Variants in XKR9 observed in about 807,000 individuals in gnomAD.
The protein encoded by XKR9 is XK-related protein 9.
Under a neutral mutation model 32.0 loss-of-function variants are expected in XKR9, and 32 were observed. The observed-to-expected ratio is 1.00, with a 90% confidence interval of 0.76 to 1.34. The LOEUF (loss-of-function observed/expected upper bound fraction) is 1.34. Ranked by LOEUF, XKR9 falls within the 40% of genes most tolerant of loss-of-function variation. The probability of loss-of-function intolerance (pLI) is 0.00; values close to 1 mark genes in which losing one functional copy is unlikely to be tolerated. For synonymous variants in XKR9, 168 were observed against 143.4 expected (o/e 1.17, Z -1.22); for missense variants, 546 against 429.7 (o/e 1.27, Z -2.39).
chr8:70,773,073 G>T (rs960307268), intron 2 of XKR9, among the ~76,000 whole-genome samples: 2 of 152,142 alleles, frequency 1.3e-5, no homozygotes, highest in Non-Finnish European at 2.9e-5. Context: ...TAATCATACT[G>T]TAGCACAAGT....
intron 2 of XKR9, chr8:70,781,042 C>A (rs1014747685): frequency 2.6e-5 from 4 of 152,078 alleles, no homozygotes; most frequent in African/African-American, 9.7e-5. Flanking sequence ...ACCAACGATT[C>A]TCTTCCTTTC....
At chr8:70,944,826 C>A in the XKR9 span, among the ~76,000 whole-genome samples, 2 of 152,204 alleles carry the variant, frequency 1.3e-5, no homozygotes, top group African/African-American at 4.8e-5. Context: ...AGCATATACA[C>A]AAAAATCACT....
downstream of XKR9, among the ~76,000 whole-genome samples, chr8:70,738,309 G>T (rs1212734042): frequency 6.9e-6 from 1 of 143,934 alleles, no homozygotes; most frequent in Non-Finnish European, 1.6e-5. Context: ...TGGGATCGGT[G>T]GTGATGTCCC....
chr8:70,761,452 A>G (rs1184722982), intron 2 of XKR9, among the ~76,000 whole-genome samples: 2 of 152,146 alleles, frequency 1.3e-5, no homozygotes, highest in Non-Finnish European at 1.5e-5. Flanking sequence ...CATTTCTCTA[A>G]TGATCAGTGA....
At chr8:70,850,360 A>C in the XKR9 span, among the ~76,000 whole-genome samples, 2 of 146,606 alleles carry the variant, frequency 1.4e-5, no homozygotes, top group Non-Finnish European at 3.0e-5. Flanking sequence ...ACTCCGGAGG[A>C]GGCTGAGGCA....
intron 2 of XKR9, among the ~76,000 whole-genome samples, chr8:70,777,516 C>T (rs1028995660): frequency 3.9e-5 from 6 of 152,076 alleles, no homozygotes; most frequent in Admixed American, 2.0e-4. Context: ...GTTCTAGATC[C>T]CTGAGGAATC....
intron 2 of XKR9, among the ~76,000 whole-genome samples, chr8:70,785,695 G>C (rs898706832): frequency 1.4e-5 from 2 of 145,414 alleles, no homozygotes; most frequent in African/African-American, 2.6e-5. Context: ...ATAAGTTTTG[G>C]TGTGTTGTAT....
At chr8:70,679,173 G>A (rs1355003155) in intron 2 of XKR9, among the ~76,000 whole-genome samples, 1 of 152,036 alleles carries the variant, frequency 6.6e-6, no homozygotes, top group Non-Finnish European at 1.5e-5. Flanking sequence ...GGGCTCCAGA[G>A]CTCATTTATC....
the XKR9 span, among the ~76,000 whole-genome samples, chr8:70,911,675 C>G: frequency 6.6e-6 from 1 of 152,012 alleles, no homozygotes; most frequent in Non-Finnish European, 1.5e-5. Flanking sequence ...AACAGATGAG[C>G]AAGTGAATGG....
chr8:70,903,629 C>G, the XKR9 span, among the ~76,000 whole-genome samples: 4 of 152,140 alleles, frequency 2.6e-5, no homozygotes, highest in African/African-American at 9.7e-5. Context: ...TTTTGTGTCT[C>G]TCTCTCGTTC....
chr8:70,759,337 T>G (rs1427896249), intron 2 of XKR9, among the ~76,000 whole-genome samples: 1 of 152,152 alleles, frequency 6.6e-6, no homozygotes, highest in East Asian at 1.9e-4. Flanking sequence ...AAATAATAGC[T>G]ATTTTAGAAA....
At chr8:70,763,929 G>A (rs1340170371) in intron 2 of XKR9, among the ~76,000 whole-genome samples, 1 of 152,182 alleles carries the variant, frequency 6.6e-6, no homozygotes, top group Admixed American at 6.5e-5. Context: ...ATTCCTGACA[G>A]AACTTTAGAT....
the XKR9 span, among the ~76,000 whole-genome samples, chr8:70,927,350 G>C: frequency 6.6e-6 from 1 of 152,066 alleles, no homozygotes; most frequent in Non-Finnish European, 1.5e-5. Flanking sequence ...AGAAATGCAG[G>C]GCAGTGGGTG....
At chr8:70,835,064 T>G in the XKR9 span, among the ~76,000 whole-genome samples, 1 of 152,112 alleles carries the variant, frequency 6.6e-6, no homozygotes, top group Admixed American at 6.6e-5. Flanking sequence ...TTTCTTTAAC[T>G]GCCCCTGTGG....
At position 70,685,410 on chromosome 8, in the gene XKR9, G is replaced by A. The variant is rs568527637; in HGVS notation, c.272+4080G>A. On this transcript the variant is annotated intron_variant, in intron 3 of 4. Transcript: ENST00000408926. ...ACCTAATGCTAAATGACGAGTTAAT[G>A]CATGCAGCACACCAGCATGGCACAT... Among the ~76,000 whole-genome samples, 488 of 146,310 alleles carry A rather than the reference G, an allele frequency of 3.3e-3. 5 individuals are homozygous for A. The highest frequency in any genetic ancestry group is 0.012 in the African/African-American group (470 of 39,918).
At chr8:71,047,787 G>C in the XKR9 span, among the ~76,000 whole-genome samples, 3 of 152,126 alleles carry the variant, frequency 2.0e-5, no homozygotes, top group African/African-American at 7.2e-5. Flanking sequence ...AAATGTGTGC[G>C]AGTGACTGGT....
intron 4 of XKR9, among the ~76,000 whole-genome samples, chr8:70,726,758 G>A (rs924622470): frequency 2.0e-5 from 3 of 152,184 alleles, no homozygotes; most frequent in Non-Finnish European, 4.4e-5. Context: ...TTTCTGGAGG[G>A]CCAAAGAACA....
At chr8:70,800,548 C>T in the XKR9 span, among the ~76,000 whole-genome samples, 6 of 152,170 alleles carry the variant, frequency 3.9e-5, no homozygotes, top group African/African-American at 7.2e-5. Context: ...TGCAGTGGGG[C>T]GATTGTGGCT....
chr8:70,918,749 C>CCAAATAGAT, the XKR9 span, among the ~76,000 whole-genome samples: 1 of 143,838 alleles, frequency 7.0e-6, no homozygotes, highest in Non-Finnish European at 1.5e-5. Flanking sequence ...GAGCTGGCAT[C>CCAAATAGAT]CAAATAGATC....
Sources: allele counts gnomAD v4.1 joint callset (sites outside exome capture counted in the v4.1 genomes callset), GRCh38; gene constraint gnomAD v4.1.1; transcripts MANE v1.5; gene names NCBI Gene and HGNC (gene_info 2026-07-23, HGNC 2026-07-21).